Variants in SP3 observed in about 807,000 individuals in gnomAD.
The protein encoded by SP3 is transcription factor Sp3.
Under a neutral mutation model 70.3 loss-of-function variants are expected in SP3, and 10 were observed. The observed-to-expected ratio is 0.14, with a 90% CI of 0.09 to 0.24. SP3 has a LOEUF of 0.24. Ranked by LOEUF, SP3 falls within the 10% of genes least tolerant of loss-of-function variation. The pLI is 1.00. For missense variants in SP3, 825 were observed against 914.6 expected, an observed-to-expected ratio of 0.90 and a Z score of 1.26; for synonymous variants, 402 against 333.5, an observed-to-expected ratio of 1.21 and a Z score of -2.24.
In SP3 at chr2:173,908,462, G is replaced by A. The variant is rs907068238; in HGVS notation, c.*1479C>T. 6.6e-6 allele frequency: 1 copy of A among 151,926 alleles called. No homozygotes were observed. The highest frequency in any genetic ancestry group is 1.5e-5 in the Non-Finnish European group (1 of 67,784). The allele number at this position is 151,926 out of a possible 1,614,324, so 9.4% of individuals were successfully genotyped here. A position where few individuals can be genotyped will look rare whatever the true frequency, so the allele number is the denominator to read the frequency against. ...TCTAAAAATAAAAAGCCAAGTTGAA[G>A]AAAAATAAACCACCAATTCTTACCC... is the stretch of plus-strand genomic sequence containing the variant. On this transcript the variant is annotated 3_prime_UTR_variant, in exon 7 of 7. Transcript: ENST00000310015.
At chr2:173,924,564 T>A (rs571112806) in intron 4 of SP3, among the ~76,000 whole-genome samples, 61 of 152,342 alleles carry the variant, frequency 4.0e-4, no homozygotes, top group African/African-American at 1.4e-3. Context: ...TATTAACTCA[T>A]GTCATGCTCC....
intron 4 of SP3, among the ~76,000 whole-genome samples, chr2:173,924,901 CTTTG>C (rs1448530753): frequency 6.6e-6 from 1 of 152,020 alleles, no homozygotes; most frequent in African/African-American, 2.4e-5. Flanking sequence ...ACTATTTTTT[CTTTG>C]TTTGAGACAG....
rs997719360 is a variant in SP3, at chr2:173,909,319, T to A, written c.*622A>T. 6.6e-6 allele frequency: 1 copy of A among 152,442 alleles called. No individual in the cohort carries two copies. The highest frequency in any genetic ancestry group is 2.4e-5 in the African/African-American group (1 of 41,458). The allele number at this position is 152,442 out of a possible 1,614,324, so 9.4% of individuals were successfully genotyped here. ...TCTTAAACATGGCTTTTCAACAGGA[T>A]TTAAAAGGTGACTATCCCTAGAGTT... On this transcript the variant is annotated 3_prime_UTR_variant, in exon 7 of 7. Transcript: ENST00000310015.
chr2:173,955,295 GGCT>G lies in SP3; in HGVS notation c.1214_1216del (p.Gln405del), dbSNP rs1168839351. ...TTGCACAATTTGGGCTTGACTGGTT[GGCT>G]GCTGAGACTCTTGAAGTTGTAGATG... On this transcript the variant is annotated inframe_deletion, in exon 4 of 7. Coordinates refer to ENST00000310015, the MANE Select transcript of SP3 (RefSeq NM_003111.5). 1 of 1,613,950 alleles carries G rather than the reference GGCT, an allele frequency of 6.2e-7. No homozygotes were observed. Among genetic ancestry groups the G allele is most frequent in the African/African-American group, 1.3e-5 (1 of 74,906 alleles).
At position 173,956,167 on chromosome 2, in the gene SP3, T is replaced by C. The variant is rs1294974685; in HGVS notation, c.345A>G (p.Thr115=). The C allele has an allele frequency of 1.2e-6, 2 of 1,614,084 alleles. No homozygotes were observed. The highest frequency in any genetic ancestry group is 2.2e-5 in the South Asian group (2 of 91,086). Residue 115 remains threonine (T), a synonymous_variant, in exon 4 of 7, where the codon ACA becomes ACG. Transcript: ENST00000310015. ...APNRWEVLSA[T]PTTIKDEAGN... ...CAGCTTCATCTTTTATAGTTGTAGGTGTGGCTGACAAAACCTCCCATCGGT... is the reference window on the plus strand; with the variant it reads ...CAGCTTCATCTTTTATAGTTGTAGGCGTGGCTGACAAAACCTCCCATCGGT...
chr2:173,912,145 T>C (rs897728319), intron 6 of SP3, among the ~76,000 whole-genome samples: 16 of 152,248 alleles, frequency 1.1e-4, no homozygotes, highest in African/African-American at 3.9e-4. Context: ...TAATTGTCTG[T>C]TGCAGTTTCA....
At chr2:173,950,603 A>G (rs916714620) in intron 4 of SP3, among the ~76,000 whole-genome samples, 6 of 151,660 alleles carry the variant, frequency 4.0e-5, no homozygotes, top group East Asian at 1.9e-4. Context: ...TGAGATCACA[A>G]TGCGTTATAA....
intron 4 of SP3, among the ~76,000 whole-genome samples, chr2:173,952,913 T>C (rs1057166577): frequency 2.6e-5 from 4 of 152,242 alleles, no homozygotes; most frequent in Non-Finnish European, 5.9e-5. Context: ...GATGAGTGAC[T>C]GCTAAAGGGT....
chr2:173,964,923 C>T (rs1018496505), intron 1 of SP3: 2 of 532,458 alleles, frequency 3.8e-6, no homozygotes, highest in Admixed American at 4.2e-5. Flanking sequence ...GGGATGCGCT[C>T]CCGGCGGACC....
Position 173,955,529 on chromosome 2 carries a change from T to C in SP3, c.983A>G (p.Asp328Gly). The change falls in exon 4 of 7, where the codon GAT (aspartate) becomes GGT (glycine). Residue 328 changes from aspartate (D) to glycine (G), a missense_variant. This residue lies in a region of SP3 where 678 missense variants were observed against 651.6 expected (regional missense o/e 1.04). Coordinates refer to ENST00000310015, the MANE Select transcript of SP3 (RefSeq NM_003111.5). ...TGAAGAGGATGTTGGCACAAATAAA[T>C]CTGTATCAGTATTAGTTTCATTAAT... ...PDINETNTDT[D>G]LFVPTSSSSQ... is the part of the protein sequence containing the mutation. 6.2e-7 allele frequency: 1 copy of C among 1,614,102 alleles called. No homozygotes were observed. The highest frequency in any genetic ancestry group is 1.1e-5 in the South Asian group (1 of 91,086).
chr2:173,945,521 T>C (rs1280348563), intron 4 of SP3, among the ~76,000 whole-genome samples: 3 of 152,182 alleles, frequency 2.0e-5, no homozygotes, highest in African/African-American at 7.2e-5. Flanking sequence ...AACATCTTTA[T>C]GTATACAGTA....
At position 173,903,936 on chromosome 2, in the gene SP3, C is replaced by A. The variant is rs141647097; in HGVS notation, c.*6005G>T. The stretch of plus-strand genomic sequence containing the variant: ...GTTGGTATTTCCTAGGACGGCGGTC[C>A]CCAAACTTTTTGGCACCAGGGACTA... On this transcript the variant is annotated 3_prime_UTR_variant, in exon 7 of 7. Coordinates refer to ENST00000310015, the MANE Select transcript of SP3 (RefSeq NM_003111.5). Among the ~76,000 whole-genome samples the A allele has an allele frequency of 1.1e-3, 168 of 150,886 alleles. 1 individual carries two copies. The highest frequency in any genetic ancestry group is 3.8e-3 in the African/African-American group (156 of 40,938).
Position 173,918,685 on chromosome 2 carries a change from C to G in SP3, c.1740G>C (p.Val580=). The G allele has an allele frequency of 6.2e-7, 1 of 1,613,828 alleles. No homozygotes were observed. The highest frequency in any genetic ancestry group is 8.5e-7 in the Non-Finnish European group (1 of 1,179,840). The change falls in exon 5 of 7, where the codon GTG becomes GTC. Residue 580 remains valine (V), a synonymous_variant. Transcript: ENST00000310015. The stretch of plus-strand genomic sequence containing the variant: ...GTTGTTGGTCCCCTTCTTCATCTAC[C>G]ACCTGTACTCTTAAGTGTGTTAGGT... ...TNDLTHLRVQ[V]VDEEGDQQHQ...
chr2:173,961,935 GTTTTTT>G (rs536537799), intron 3 of SP3, among the ~76,000 whole-genome samples: 2,099 of 81,042 alleles, frequency 0.026, 35 homozygotes, highest in Middle Eastern at 0.055. Context: ...TATGGTTTGG[GTTTTTT>G]TTTTTTTTTT....
At chr2:173,961,937 T>TTTTTG (rs778015089) in intron 3 of SP3, among the ~76,000 whole-genome samples, 3,065 of 89,174 alleles carry the variant, frequency 0.034, 67 homozygotes, top group African/African-American at 0.12. Context: ...TGGTTTGGGT[T>TTTTTG]TTTTTTTTTT....
At chr2:173,953,277 T>C (rs781194062) in intron 4 of SP3, among the ~76,000 whole-genome samples, 8 of 152,344 alleles carry the variant, frequency 5.3e-5, no homozygotes, top group Non-Finnish European at 1.0e-4. Flanking sequence ...CCACTGAAAG[T>C]GTCAACACAG....
At chr2:173,927,169 C>T (rs1158435189) in intron 4 of SP3, among the ~76,000 whole-genome samples, 2 of 152,076 alleles carry the variant, frequency 1.3e-5, no homozygotes, top group African/African-American at 4.8e-5. Flanking sequence ...CCATGGGAAA[C>T]CACCCCCATG....
Position 173,955,015 on chromosome 2 carries a change from T to C in SP3, c.1497A>G (p.Gln499=), listed in dbSNP as rs1268634098. ...LTPVQTLTLG[Q]VAAGGAFTST... Reference sequence around the variant, plus strand: ...AAGTGAAGGCTCCACCTGCCGCAACTTGACCAAGTGTGAGGGTTTGAACAG... The same window carrying C: ...AAGTGAAGGCTCCACCTGCCGCAACCTGACCAAGTGTGAGGGTTTGAACAG... The change falls in exon 4 of 7, where the codon CAA becomes CAG. Residue 499 remains glutamine (Q), a synonymous_variant. Transcript: ENST00000310015. 1.2e-5 allele frequency: 19 copies of C among 1,614,212 alleles called. No individual in the cohort carries two copies. The highest frequency in any genetic ancestry group is 3.3e-5 in the Admixed American group (2 of 60,022).
intron 4 of SP3, among the ~76,000 whole-genome samples, chr2:173,946,397 A>G (rs747399056): frequency 2.0e-5 from 3 of 151,520 alleles, no homozygotes; most frequent in Non-Finnish European, 4.4e-5. Context: ...TCCCACCTCA[A>G]CCTCCGGAGT....
Sources: allele counts gnomAD v4.1 joint callset (sites outside exome capture counted in the v4.1 genomes callset), GRCh38; gene constraint gnomAD v4.1.1; regional missense constraint gnomAD v4.1.1; transcripts MANE v1.5; gene names NCBI Gene and HGNC (gene_info 2026-07-23, HGNC 2026-07-21).